The following SEC14L3 variants were observed in gnomAD, a reference collection of about 807,000 sequenced individuals.
SEC14L3 encodes SEC14-like protein 3.
In SEC14L3, 56 loss-of-function variants were observed where a neutral mutation model predicts 57.4. The ratio of observed to expected loss-of-function variants is 0.97; its 90% CI spans 0.79 to 1.22. SEC14L3 has a LOEUF of 1.22. Among genes scored for constraint, SEC14L3 ranks in the 50% most tolerant of loss-of-function variants. SEC14L3 has a pLI of 0.00. For missense variants in SEC14L3, 485 were observed against 511.7 expected (o/e 0.95, Z 0.50); for synonymous variants, 173 against 194.4 (o/e 0.89, Z 0.92).
chr22:30,469,108 C>A, intron 4 of SEC14L3: 2 of 506,226 alleles, frequency 4.0e-6, no homozygotes, highest in Non-Finnish European at 3.1e-6. Flanking sequence ...CTCCTGAGGC[C>A]AGGAGTTTGA....
downstream of SEC14L3, among the ~76,000 whole-genome samples, chr22:30,457,377 CTTTTTTTTT>C (rs60894978): frequency 7.3e-6 from 1 of 136,646 alleles, no homozygotes; most frequent in African/African-American, 2.7e-5. Context: ...TTAAGTATGT[CTTTTTTTTT>C]TTTTTTTTTT....
intron 5 of SEC14L3, 29 bp downstream of exon 5, chr22:30,468,479 C>A: frequency 6.4e-7 from 1 of 1,573,002 alleles, no homozygotes; most frequent in Non-Finnish European, 8.7e-7. Context: ...CTGCCCCCAG[C>A]CATCCACCCC....
chr22:30,454,967 AT>A (rs1245121533), downstream of SEC14L3, among the ~76,000 whole-genome samples: 3 of 62,766 alleles, frequency 4.8e-5, no homozygotes, highest in African/African-American at 7.2e-5. Flanking sequence ...TATAATAGAT[AT>A]ATAATATATT....
At chr22:30,448,885 C>A in exon 13 of SEC14L3, 1 of 562,392 alleles carries the variant, frequency 1.8e-6, no homozygotes, top group Non-Finnish European at 3.2e-6. Context: ...AAGCAAAGCC[C>A]TGTCTCTAAA....
Position 30,459,366 on chromosome 22 carries a change from G to T in SEC14L3, c.*655C>A. 1 of 985,462 alleles carries T rather than the reference G, an allele frequency of 1.0e-6. No individual in the cohort carries two copies. Among genetic ancestry groups the T allele is most frequent in the Non-Finnish European group, 1.2e-6 (1 of 829,948 alleles). The allele number at this position is 985,462 out of a possible 1,614,324, so 61.0% of individuals were successfully genotyped here. A position where few individuals can be genotyped will look rare whatever the true frequency, so the allele number is the denominator to read the frequency against. On this transcript the variant is annotated 3_prime_UTR_variant, in exon 12 of 12. Coordinates refer to ENST00000215812, the MANE Select transcript of SEC14L3 (RefSeq NM_174975.5). ...TGAGCGTGCAAGTCAGACAAAGCCT[G>T]ATGTAGGCAGCTCCTATCAGAGGCA... is the stretch of plus-strand genomic sequence containing the variant.
In SEC14L3 at chr22:30,466,964, C is replaced by T. The variant is rs1201771074; in HGVS notation, c.519+18G>A. Reference sequence around the variant, plus strand: ...GTCATCAAAGCAAGCGGGGGGTGGCCCTAGGACTTCTCCTTACCTCCTGGT... The same window carrying T: ...GTCATCAAAGCAAGCGGGGGGTGGCTCTAGGACTTCTCCTTACCTCCTGGT... On this transcript the variant is annotated intron_variant, in intron 6 of 11. Transcript: ENST00000215812. The T allele has an allele frequency of 6.2e-7, 1 of 1,610,156 alleles. No homozygotes were observed. Among genetic ancestry groups the T allele is most frequent in the Admixed American group, 1.7e-5 (1 of 59,844 alleles).
At position 30,470,058 on chromosome 22, in the gene SEC14L3, G is replaced by A. The variant is rs1168840366; in HGVS notation, c.195C>T (p.Thr65=). The change falls in exon 4 of 12, where the codon ACC becomes ACT. Residue 65 remains threonine, a synonymous_variant. Coordinates refer to ENST00000215812, the MANE Select transcript of SEC14L3 (RefSeq NM_174975.5). ...AATCAAGGATATGGTCAATATCCAT[G>A]GTCTTCCGGAACTCCATGTACTGAA... ...LLRKYMEFRK[T]MDIDHILDWQ... The A allele has an allele frequency of 1.9e-6, 3 of 1,595,142 alleles. No individual in the cohort carries two copies. Among genetic ancestry groups the A allele is most frequent in the Admixed American group, 3.4e-5 (2 of 57,982 alleles).
chr22:30,451,488 A>G (rs1424566322), intron 12 of SEC14L3, among the ~76,000 whole-genome samples: 1 of 152,160 alleles, frequency 6.6e-6, no homozygotes, highest in East Asian at 1.9e-4. Context: ...CCAGGCTCCA[A>G]AGAGTTAAAG....
Position 30,460,299 on chromosome 22 carries a change from G to T in SEC14L3, c.1082-157C>A, listed in dbSNP as rs1025587510. ...GCCTCTTCCCTTCCCCATGGGAACT[G>T]CCAACCCAAGCAGGTCCTGTAAACA... On this transcript the variant is annotated intron_variant, in intron 11 of 11. Transcript: ENST00000215812. 7 of 984,952 alleles carry T rather than the reference G, an allele frequency of 7.1e-6. No homozygotes were observed. The African/African-American group carries it at 1.2e-4, about 17-fold the overall frequency. The allele number at this position is 984,952 out of a possible 1,614,324, so 61.0% of individuals were successfully genotyped here.
intron 8 of SEC14L3, among the ~76,000 whole-genome samples, chr22:30,463,235 G>A (rs1453008377): frequency 6.6e-6 from 1 of 152,202 alleles, no homozygotes; most frequent in Non-Finnish European, 1.5e-5. Context: ...ACTTCCCTCT[G>A]CCTAATCACC....
downstream of SEC14L3, among the ~76,000 whole-genome samples, chr22:30,456,512 G>A (rs571138277): frequency 1.4e-3 from 217 of 152,144 alleles, no homozygotes; most frequent in Non-Finnish European, 2.7e-3. Context: ...ATGGTGAGAG[G>A]AAGGGAGCAA....
chr22:30,451,991 C>CAAAAAAAAAAAA (rs34799395), intron 12 of SEC14L3, among the ~76,000 whole-genome samples: 10 of 33,720 alleles, frequency 3.0e-4, no homozygotes, highest in Non-Finnish European at 3.8e-4. Flanking sequence ...GACTCCATCT[C>CAAAAAAAAAAAA]AAAAAAAAAA....
At chr22:30,470,109 T>C in intron 3 of SEC14L3, 31 bp from the exon 4 acceptor site, 1 of 1,608,992 alleles carries the variant, frequency 6.2e-7, no homozygotes, top group Non-Finnish European at 8.5e-7. Flanking sequence ...AAGATCCCAC[T>C]GGGCTCCCAG....
intron 9 of SEC14L3, 182 bp downstream of exon 9, chr22:30,461,904 C>A: frequency 2.1e-6 from 1 of 481,674 alleles, no homozygotes; most frequent in Non-Finnish European, 2.7e-6. Flanking sequence ...GGTTAAAATT[C>A]GCCTATTTCT....
intron 12 of SEC14L3, among the ~76,000 whole-genome samples, chr22:30,453,804 A>T (rs866789627): frequency 9.9e-5 from 15 of 152,006 alleles, no homozygotes; most frequent in African/African-American, 3.4e-4. Context: ...AAGGGAGGAG[A>T]GATAGGGCTG....
At chr22:30,470,435 C>A in intron 2 of SEC14L3, 72 bp downstream of exon 2, 1 of 1,607,682 alleles carries the variant, frequency 6.2e-7, no homozygotes, top group Non-Finnish European at 8.5e-7. Context: ...AGCCATGAGA[C>A]ACTCTGGAGC....
chr22:30,466,380 A>C lies in SEC14L3; in HGVS notation c.534T>G (p.Leu178=). 4 of 1,614,090 alleles carry C rather than the reference A, an allele frequency of 2.5e-6. No individual in the cohort carries two copies. The highest frequency in any genetic ancestry group is 3.4e-6 in the Non-Finnish European group (4 of 1,179,996). Residue 178 remains leucine (L), a synonymous_variant, in exon 7 of 12, where the codon CTT becomes CTG. Coordinates refer to ENST00000215812, the MANE Select transcript of SEC14L3 (RefSeq NM_174975.5). ...TCAGGGTCTCTGGGTAATTCTCTTC[A>C]AGGAGGCCAAAGAACTGTGGAACCA... is the stretch of plus-strand genomic sequence containing the variant. ...VEVYQEFFGL[L]EENYPETLKF...
chr22:30,456,872 C>G (rs1935128399), downstream of SEC14L3, among the ~76,000 whole-genome samples: 1 of 152,210 alleles, frequency 6.6e-6, no homozygotes, highest in Non-Finnish European at 1.5e-5. Context: ...TGTGTGCACA[C>G]AGTGGGAGCT....
In SEC14L3 at chr22:30,459,994, G is replaced by T; in HGVS notation, c.*27C>A. The T allele has an allele frequency of 1.2e-6, 2 of 1,612,502 alleles. No individual in the cohort carries two copies. Among genetic ancestry groups the T allele is most frequent in the Non-Finnish European group, 1.7e-6 (2 of 1,178,994 alleles). ...ATAAACAGAGAAATCAAAGGGTTAG[G>T]AGGTCTCTGAGAAATGAGGGAGCCA... On this transcript the variant is annotated 3_prime_UTR_variant, in exon 12 of 12. Coordinates refer to ENST00000215812, the MANE Select transcript of SEC14L3 (RefSeq NM_174975.5).
Sources: allele counts gnomAD v4.1 joint callset (sites outside exome capture counted in the v4.1 genomes callset), GRCh38; gene constraint gnomAD v4.1.1; transcripts MANE v1.5; gene names NCBI Gene and HGNC (gene_info 2026-07-23, HGNC 2026-07-21).